Variants in EYS observed in about 807,000 individuals in gnomAD.
EYS encodes the protein EGF-like photoreceptor maintenance factor.
A neutral mutation model predicts 282.1 loss-of-function variants in EYS; 250 were observed. That is an observed-to-expected ratio of 0.89 (90% confidence interval 0.80 to 0.98). The LOEUF (loss-of-function observed/expected upper bound fraction) is 0.98. Ranked by LOEUF, EYS falls within the 50% of genes least tolerant of loss-of-function variation. The probability of loss-of-function intolerance (pLI) is 0.00; values close to 1 mark genes in which losing one functional copy is unlikely to be tolerated. For synonymous variants in EYS, 1,355 were observed against 1,282.9 expected (o/e 1.06, Z -1.20); for missense variants, 4,016 against 3,709.0 (o/e 1.08, Z -2.15).
At chr6:64,420,536 T>C (rs953862349) in intron 28 of EYS, among the ~76,000 whole-genome samples, 1 of 152,182 alleles carries the variant, frequency 6.6e-6, no homozygotes, top group Non-Finnish European at 1.5e-5. Context: ...ATATGGAAAC[T>C]GCCAAGATTT....
intron 2 of EYS, among the ~76,000 whole-genome samples, chr6:65,613,246 G>A (rs1334912911): frequency 6.6e-6 from 1 of 151,816 alleles, no homozygotes; most frequent in African/African-American, 2.4e-5. Flanking sequence ...GAATACAATA[G>A]ATGTTCAGAA....
intron 22 of EYS, among the ~76,000 whole-genome samples, chr6:64,810,080 C>A (rs4710285): frequency 1 from 151,976 of 152,230 alleles, 75,862 homozygotes; most frequent in Non-Finnish European, 1. Context: ...CCAAGGTAGA[C>A]TGCAGAATGA....
intron 30 of EYS, among the ~76,000 whole-genome samples, chr6:64,247,936 T>C (rs1767069394): frequency 6.6e-6 from 1 of 152,082 alleles, no homozygotes. Context: ...GAGGGCCTGC[T>C]GATGACAGGT....
intron 39 of EYS, among the ~76,000 whole-genome samples, chr6:63,780,519 TG>T (rs1321262507): frequency 7.9e-5 from 12 of 152,240 alleles, no homozygotes; most frequent in African/African-American, 2.9e-4. Context: ...CATTTTTTCA[TG>T]TGTCTGTTGG....
intron 30 of EYS, among the ~76,000 whole-genome samples, chr6:64,268,271 T>C (rs1219069505): frequency 2.6e-5 from 4 of 152,086 alleles, no homozygotes; most frequent in Admixed American, 2.6e-4. Flanking sequence ...ACACTGTTCA[T>C]GGCATCTTCT....
At chr6:64,278,225 CAG>C (rs1768179308) in intron 30 of EYS, among the ~76,000 whole-genome samples, 2 of 152,052 alleles carry the variant, frequency 1.3e-5, no homozygotes, top group African/African-American at 4.8e-5. Flanking sequence ...CTGAATTAAG[CAG>C]AAAGTTTATG....
chr6:64,828,145 G>T (rs1443067956), intron 19 of EYS, among the ~76,000 whole-genome samples: 2 of 151,840 alleles, frequency 1.3e-5, no homozygotes, highest in African/African-American at 2.4e-5. Context: ...CTTATCAGTG[G>T]ACTGGACATA....
At chr6:64,672,971 T>A (rs1323854431) in intron 22 of EYS, among the ~76,000 whole-genome samples, 1 of 152,200 alleles carries the variant, frequency 6.6e-6, no homozygotes, top group Non-Finnish European at 1.5e-5. Context: ...ATAGAGATCA[T>A]TAAAATTTAG....
At chr6:65,335,844 T>C (rs1769969013) in intron 10 of EYS, among the ~76,000 whole-genome samples, 1 of 151,718 alleles carries the variant, frequency 6.6e-6, no homozygotes, top group African/African-American at 2.4e-5. Flanking sequence ...TATTTTGCTC[T>C]GTTTCCTCAG....
chr6:64,490,647 C>A (rs896990477), intron 26 of EYS, among the ~76,000 whole-genome samples: 2 of 150,502 alleles, frequency 1.3e-5, no homozygotes, highest in Non-Finnish European at 3.0e-5. Context: ...CAACGCAGTG[C>A]AATAAAATGT....
chr6:63,759,394 A>G (rs1030470905), intron 41 of EYS, among the ~76,000 whole-genome samples: 1 of 152,100 alleles, frequency 6.6e-6, no homozygotes, highest in African/African-American at 2.4e-5. Context: ...TGCCACATCT[A>G]TTCATTTAAA....
chr6:65,258,340 C>T (rs1029655293), intron 12 of EYS, among the ~76,000 whole-genome samples: 2 of 151,866 alleles, frequency 1.3e-5, no homozygotes, highest in African/African-American at 4.8e-5. Context: ...GTAATTTGAT[C>T]CAAAATTTCC....
At chr6:65,115,683 G>A (rs1775348650) in intron 12 of EYS, among the ~76,000 whole-genome samples, 1 of 151,988 alleles carries the variant, frequency 6.6e-6, no homozygotes, top group African/African-American at 2.4e-5. Context: ...GGATTTTATA[G>A]GTATAGCCAT....
intron 33 of EYS, among the ~76,000 whole-genome samples, chr6:64,027,093 A>C (rs1472384528): frequency 6.6e-6 from 1 of 152,180 alleles, no homozygotes; most frequent in Non-Finnish European, 1.5e-5. Context: ...TAAATGATAG[A>C]ATGACAGCCG....
intron 36 of EYS, among the ~76,000 whole-genome samples, chr6:63,818,649 C>G (rs901786269): frequency 6.6e-6 from 1 of 152,308 alleles, no homozygotes; most frequent in East Asian, 1.9e-4. Flanking sequence ...GGAGGCTAGT[C>G]ATTTCCCTGG....
chr6:64,327,789 C>A (rs965888041), intron 29 of EYS, among the ~76,000 whole-genome samples: 1 of 152,126 alleles, frequency 6.6e-6, no homozygotes, highest in African/African-American at 2.4e-5. Flanking sequence ...AAAGTCCAGC[C>A]CTCTATGCAC....
chr6:64,666,535 T>A (rs1371313311), intron 22 of EYS, among the ~76,000 whole-genome samples: 1 of 152,228 alleles, frequency 6.6e-6, no homozygotes, highest in East Asian at 1.9e-4. Flanking sequence ...TCAACTTCAA[T>A]CACACACTTC....
At chr6:65,643,193 C>A (rs188676078) in intron 1 of EYS, among the ~76,000 whole-genome samples, 84 of 152,332 alleles carry the variant, frequency 5.5e-4, no homozygotes, top group African/African-American at 1.8e-3. Context: ...TGGGGGGACA[C>A]AGTGGGAGTA....
At chr6:64,598,707 T>G (rs2149836827) in intron 24 of EYS, among the ~76,000 whole-genome samples, 1 of 152,320 alleles carries the variant, frequency 6.6e-6, no homozygotes, top group African/African-American at 2.4e-5. Context: ...TGCCAGTAAC[T>G]GTTGTAATTG....
Sources: allele counts gnomAD v4.1 joint callset (sites outside exome capture counted in the v4.1 genomes callset), GRCh38; gene constraint gnomAD v4.1.1; transcripts MANE v1.5; gene names NCBI Gene and HGNC (gene_info 2026-07-23, HGNC 2026-07-21).